ERCC4: variants seen among roughly 807,000 people sequenced by gnomAD.
The protein encoded by ERCC4 is ERCC excision repair 4, endonuclease catalytic subunit, also known as DNA repair endonuclease XPF.
A neutral mutation model predicts 76.9 loss-of-function variants in ERCC4; 65 were observed. That is an observed-to-expected ratio of 0.84 (90% CI 0.69 to 1.04). ERCC4 has a LOEUF of 1.04. Ranked by LOEUF, ERCC4 falls within the 50% of genes least tolerant of loss-of-function variation. ERCC4 has a pLI of 0.00. For missense variants in ERCC4, 1,214 were observed against 1,128.2 expected, an observed-to-expected ratio of 1.08 and a Z score of -1.09; for synonymous variants, 463 against 410.1, an observed-to-expected ratio of 1.13 and a Z score of -1.56.
At chr16:13,937,892 C>A (rs766294448) in intron 9 of ERCC4, 34 bp downstream of exon 9, 1 of 1,346,226 alleles carries the variant, frequency 7.4e-7, no homozygotes, top group Admixed American at 1.7e-5. Context: ...AAAGCCCCAA[C>A]TACATTGGAA....
At position 13,952,095 on chromosome 16, in the gene ERCC4, A is replaced by G. The variant is rs2032637844; in HGVS notation, c.*3748A>G. The stretch of plus-strand genomic sequence containing the variant: ...TGTTGTTTTTTTAATTTAAAGATGT[A>G]TAAGCCAAAATTTGGATGGGAGTGA... On this transcript the variant is annotated 3_prime_UTR_variant, in exon 11 of 11. Transcript: ENST00000311895. 3 of 194,070 alleles carry G rather than the reference A, an allele frequency of 1.5e-5. No homozygotes were observed. The South Asian group carries it at 5.8e-4, about 37-fold the overall frequency. 12.0% of individuals were successfully genotyped at this position (194,070 alleles called of 1,614,324 possible). A position where few individuals can be genotyped will look rare whatever the true frequency, so the allele number is the denominator to read the frequency against.
rs375446816 is a variant in ERCC4 at position 13,920,627 on chromosome 16, T to C, written c.207+255T>C. 4.6e-5 allele frequency among the ~76,000 whole-genome samples: 7 copies of C among 151,182 alleles called. No individual in the cohort carries two copies. The East Asian group carries it at 7.9e-4, about 17-fold the overall frequency. ...CACCGTGCGGGGACACTGATAAGAA[T>C]TGGAGGGGCCCCGAGAAGGCTGCAG... On this transcript the variant is annotated intron_variant, in intron 1 of 10. Coordinates refer to ENST00000311895, the MANE Select transcript of ERCC4 (RefSeq NM_005236.3).
chr16:13,933,965 T>C (rs1449531416), intron 6 of ERCC4: 1 of 463,072 alleles, frequency 2.2e-6, no homozygotes, highest in African/African-American at 2.0e-5. Flanking sequence ...TGCATATAAC[T>C]TTCTACCAAG....
chr16:13,928,962 G>GA (rs1367717359), intron 4 of ERCC4, among the ~76,000 whole-genome samples: 2 of 152,040 alleles, frequency 1.3e-5, no homozygotes, highest in African/African-American at 2.4e-5. Context: ...TATAAAAAAG[G>GA]AAAAAATTGA....
chr16:13,930,569 A>T, intron 4 of ERCC4, 141 bp from the exon 5 acceptor site: 1 of 634,174 alleles, frequency 1.6e-6, no homozygotes, highest in Admixed American at 2.9e-5. Context: ...TTTTTATTGT[A>T]GTAAAATATA....
Position 13,930,889 on chromosome 16 carries a change from A to C in ERCC4, c.972A>C (p.Ser324=). Residue 324 remains serine, a splice_region_variant and synonymous_variant, in exon 5 of 11, where the codon TCA becomes TCC. Coordinates refer to ENST00000311895, the MANE Select transcript of ERCC4 (RefSeq NM_005236.3). ...RATEKAFGQN[S]GWLFLDSSTS... is the part of the protein sequence containing the mutation. ...CGGAAAAAGCTTTTGGTCAGAATTC[A>C]GGTGGGAGATTAAAATACTAATAAT... 1 of 1,600,992 alleles carries C rather than the reference A, an allele frequency of 6.2e-7. No homozygotes were observed. The highest frequency in any genetic ancestry group is 8.6e-7 in the Non-Finnish European group (1 of 1,168,124).
At chr16:13,940,382 G>A (rs3136183) in intron 9 of ERCC4, among the ~76,000 whole-genome samples, 6,624 of 149,172 alleles carry the variant, frequency 0.044, 194 homozygotes, top group Middle Eastern at 0.079. Flanking sequence ...AGTGACCCCC[G>A]TCTCAAAAAA....
intron 9 of ERCC4, chr16:13,943,834 G>C (rs1261808318): frequency 1.3e-5 from 2 of 151,964 alleles, no homozygotes; most frequent in Non-Finnish European, 2.9e-5. Context: ...ATACCTGGCA[G>C]AATTAATTAT....
At chr16:13,933,045 CAAAAAAA>C in intron 6 of ERCC4, 64 of 215,684 alleles carry the variant, frequency 3.0e-4, no homozygotes, top group Admixed American at 4.1e-4. Flanking sequence ...GACTCGGTCT[CAAAAAAA>C]AAAAAAAAAA....
At position 13,948,377 on chromosome 16, in the gene ERCC4, C is replaced by T. The variant is rs1567254496; in HGVS notation, c.*30C>T. On this transcript the variant is annotated 3_prime_UTR_variant, in exon 11 of 11. Coordinates refer to ENST00000311895, the MANE Select transcript of ERCC4 (RefSeq NM_005236.3). ...TGATGGCTGTTTTCTTATCCCATGC[C>T]TGTACTTTTCAGCGGCTCCTTGCCA... 6.2e-7 allele frequency: 1 copy of T among 1,603,018 alleles called. No individual in the cohort carries two copies. The highest frequency in any genetic ancestry group is 8.5e-7 in the Non-Finnish European group (1 of 1,179,436).
At chr16:13,926,782 T>C (rs1171017303) in intron 3 of ERCC4, 26 bp downstream of exon 3, 1 of 1,535,406 alleles carries the variant, frequency 6.5e-7, no homozygotes. Flanking sequence ...TGACAAATAA[T>C]GATGACATTA....
Position 13,926,771 on chromosome 16 carries a change from G to T in ERCC4, c.584+15G>T. On this transcript the variant is annotated intron_variant, in intron 3 of 10. Coordinates refer to ENST00000311895, the MANE Select transcript of ERCC4 (RefSeq NM_005236.3). ...CTGTGGCCAAGGTAAAGAACATTAT[G>T]TGACAAATAATGATGACATTATTTG... The T allele has an allele frequency of 6.3e-7, 1 of 1,575,706 alleles. No individual in the cohort carries two copies. The highest frequency in any genetic ancestry group is 8.7e-7 in the Non-Finnish European group (1 of 1,145,280).
In ERCC4 at chr16:13,949,993, C is replaced by A; in HGVS notation, c.*1646C>A. 1 of 218,610 alleles carries A rather than the reference C, an allele frequency of 4.6e-6. No individual in the cohort carries two copies. The highest frequency in any genetic ancestry group is 9.2e-6 in the Non-Finnish European group (1 of 109,044). The allele number at this position is 218,610 out of a possible 1,614,324, so 13.5% of individuals were successfully genotyped here. A position where few individuals can be genotyped will look rare whatever the true frequency, so the allele number is the denominator to read the frequency against. ...TTATTTTTTTTTGAGACAGAGTCTC[C>A]CTCTGTTGCCCAGGCTGGAGTGCAG... is the stretch of plus-strand genomic sequence containing the variant. On this transcript the variant is annotated 3_prime_UTR_variant, in exon 11 of 11. Coordinates refer to ENST00000311895, the MANE Select transcript of ERCC4 (RefSeq NM_005236.3).
At chr16:13,943,467 C>T (rs941614643) in intron 9 of ERCC4, among the ~76,000 whole-genome samples, 1 of 152,114 alleles carries the variant, frequency 6.6e-6, no homozygotes, top group African/African-American at 2.4e-5. Context: ...CATCAGATCT[C>T]GTGAGAACTC....
intron 9 of ERCC4, among the ~76,000 whole-genome samples, chr16:13,944,356 T>G (rs1461135002): frequency 2.0e-5 from 3 of 152,196 alleles, no homozygotes; most frequent in Non-Finnish European, 4.4e-5. Context: ...ATGATTTACA[T>G]TTACACTTTA....
intron 9 of ERCC4, 56 bp from the exon 10 acceptor site, chr16:13,944,667 A>G: frequency 8.5e-7 from 1 of 1,171,028 alleles, no homozygotes; most frequent in Non-Finnish European, 1.3e-6. Flanking sequence ...TACACACAAT[A>G]AAATCTAGAA....
At chr16:13,936,492 AT>A (rs1385727950) in intron 8 of ERCC4, among the ~76,000 whole-genome samples, 2 of 152,206 alleles carry the variant, frequency 1.3e-5, no homozygotes, top group Admixed American at 6.5e-5. Flanking sequence ...AGGCTGGTAA[AT>A]TTTTTGTACC....
intron 10 of ERCC4, among the ~76,000 whole-genome samples, chr16:13,945,395 A>G (rs1019021409): frequency 2.0e-5 from 3 of 152,148 alleles, no homozygotes; most frequent in Admixed American, 1.3e-4. Context: ...GACCTGCTGA[A>G]TTCCAAGTGC....
rs2020958 is a variant in ERCC4, at chr16:13,937,838, A to G, written c.1884A>G (p.Glu628=). 2.4e-3 allele frequency: 3,913 copies of G among 1,612,194 alleles called. 87 individuals carry two copies. The African/African-American group carries it at 0.045, about 19-fold the overall frequency. ...TCACTGCTTTGCGGAAAGAAAAGGA[A>G]GCTTTTGAAAAACTCATAAGGTAAT... ...RYLTALRKEK[E]AFEKLIREKA... is the part of the protein sequence containing the mutation. Residue 628 remains glutamate, a synonymous_variant, in exon 9 of 11, where the codon GAA becomes GAG. Transcript: ENST00000311895.
Sources: allele counts gnomAD v4.1 joint callset (sites outside exome capture counted in the v4.1 genomes callset), GRCh38; gene constraint gnomAD v4.1.1; transcripts MANE v1.5; gene names NCBI Gene and HGNC (gene_info 2026-07-23, HGNC 2026-07-21).